The following EPB41L4B variants were observed in gnomAD, a reference collection of about 807,000 sequenced individuals.
The protein encoded by EPB41L4B is erythrocyte membrane protein band 4.1 like 4B.
Under a neutral mutation model 112.5 loss-of-function variants are expected in EPB41L4B, and 30 were observed. The ratio of observed to expected loss-of-function variants is 0.27; its 90% CI spans 0.20 to 0.36. The LOEUF (loss-of-function observed/expected upper bound fraction) is 0.36, where lower values mean the gene tolerates loss of function less well. Among genes scored for constraint, EPB41L4B ranks in the 10% least tolerant of loss-of-function variants. EPB41L4B has a pLI of 1.00. For missense variants in EPB41L4B, 1,024 were observed against 1,133.3 expected (o/e 0.90, Z 1.38); for synonymous variants, 408 against 439.7 (o/e 0.93, Z 0.90).
At chr9:109,256,568 G>A in intron 7 of EPB41L4B, 88 bp from the exon 8 acceptor site, 2 of 1,146,034 alleles carry the variant, frequency 1.7e-6, no homozygotes, top group East Asian at 2.4e-5. Flanking sequence ...GGAACGTTAT[G>A]CAGCAATTAA....
rs562932913 is a variant in EPB41L4B at position 109,301,553 on chromosome 9, T to C, written c.306+18588A>G. Among the ~76,000 whole-genome samples the C allele has an allele frequency of 2.6e-5, 4 of 152,332 alleles. No individual in the cohort carries two copies. The East Asian group carries it at 5.8e-4, about 22-fold the overall frequency. ...CCCCCGAGGCAACAGTTATTCTCATTTGTTTTCTCCACAGATTAGTTCTGC... is the reference window on the plus strand; with the variant it reads ...CCCCCGAGGCAACAGTTATTCTCATCTGTTTTCTCCACAGATTAGTTCTGC... On this transcript the variant is annotated intron_variant, in intron 1 of 25. Coordinates refer to ENST00000374566, the MANE Select transcript of EPB41L4B (RefSeq NM_019114.5).
rs377076803 is a variant in EPB41L4B at position 109,258,170 on chromosome 9, A to T, written c.752+7T>A. 2 of 1,609,786 alleles carry T rather than the reference A, an allele frequency of 1.2e-6. No homozygotes were observed. The highest frequency in any genetic ancestry group is 1.7e-6 in the Non-Finnish European group (2 of 1,176,882). ...CATCAGAATGCTAGACGGTTGCATC[A>T]AGGTACCTGCACTCTTTCCATCTCT... On this transcript the variant is annotated splice_region_variant and intron_variant, in intron 7 of 25. Transcript: ENST00000374566.
chr9:109,203,667 C>A lies in EPB41L4B; in HGVS notation c.1942G>T (p.Val648Leu). The change falls in exon 19 of 26, where the codon GTA (valine) becomes TTA (leucine). Residue 648 changes from valine (V) to leucine (L), a missense_variant. Physicochemically the swap from Val to Leu is conservative, Grantham distance 32. Coordinates refer to ENST00000374566, the MANE Select transcript of EPB41L4B (RefSeq NM_019114.5). ...NKKSSLQDAS[V>L]RSPIPIRVET... Reference sequence around the variant, plus strand: ...TTCAGACAAGGAGCAACAGACCTTACACTAGCGTCCTGAAGACTGGATTTC... The same window carrying A: ...TTCAGACAAGGAGCAACAGACCTTAAACTAGCGTCCTGAAGACTGGATTTC... 1 of 1,612,188 alleles carries A rather than the reference C, an allele frequency of 6.2e-7. No homozygotes were observed. Among genetic ancestry groups the A allele is most frequent in the Non-Finnish European group, 8.5e-7 (1 of 1,178,260 alleles).
chr9:109,226,993 C>T (rs1327116639), intron 15 of EPB41L4B, among the ~76,000 whole-genome samples: 8 of 151,564 alleles, frequency 5.3e-5, no homozygotes. Context: ...TGTGCACTAC[C>T]ACACCTGGCT....
intron 1 of EPB41L4B, among the ~76,000 whole-genome samples, chr9:109,287,545 G>A (rs781217743): frequency 6.6e-6 from 1 of 152,188 alleles, no homozygotes; most frequent in Non-Finnish European, 1.5e-5. Context: ...GCAAAAGCAC[G>A]GTGCCTATGC....
At chr9:109,291,136 C>T (rs149497721) in intron 1 of EPB41L4B, among the ~76,000 whole-genome samples, 13 of 152,276 alleles carry the variant, frequency 8.5e-5, no homozygotes, top group Middle Eastern at 3.4e-3. Context: ...GAAATTACAT[C>T]ATCAGTTCAT....
In EPB41L4B at chr9:109,315,788, A is replaced by C. The variant is rs146854861; in HGVS notation, c.306+4353T>G. On this transcript the variant is annotated intron_variant, in intron 1 of 25. Transcript: ENST00000374566. ...AGGTTTCAGTCCTAAAATTCTAAAAACCTGGATTCTCCTGTTTTTGCTGAA... is the reference window on the plus strand; with the variant it reads ...AGGTTTCAGTCCTAAAATTCTAAAACCCTGGATTCTCCTGTTTTTGCTGAA... Among the ~76,000 whole-genome samples the C allele has an allele frequency of 2.0e-5, 3 of 152,194 alleles. No individual in the cohort carries two copies. The East Asian group carries it at 5.8e-4, about 29-fold the overall frequency.
chr9:109,192,151 C>T, intron 22 of EPB41L4B, 127 bp downstream of exon 22: 1 of 749,782 alleles, frequency 1.3e-6, no homozygotes, highest in Non-Finnish European at 2.2e-6. Context: ...GAAAGCTGAT[C>T]CCTGAGCCTC....
intron 15 of EPB41L4B, among the ~76,000 whole-genome samples, chr9:109,222,339 G>A (rs1279543179): frequency 6.6e-6 from 1 of 152,184 alleles, no homozygotes; most frequent in Non-Finnish European, 1.5e-5. Context: ...TGACTCGGGT[G>A]CTTTCTCAGC....
At chr9:109,182,260 G>A (rs1035616758) in intron 24 of EPB41L4B, among the ~76,000 whole-genome samples, 15 of 152,282 alleles carry the variant, frequency 9.9e-5, no homozygotes, top group Admixed American at 7.2e-4. Context: ...TGATACATGC[G>A]TGGATGAACC....
intron 6 of EPB41L4B, among the ~76,000 whole-genome samples, chr9:109,259,605 G>A (rs749360984): frequency 6.6e-6 from 1 of 152,184 alleles, no homozygotes; most frequent in Non-Finnish European, 1.5e-5. Context: ...CTATCTATGT[G>A]ACTGCAGGCA....
In EPB41L4B at chr9:109,255,666, C is replaced by G; in HGVS notation, c.1014G>C (p.Glu338Asp). The G allele has an allele frequency of 1.2e-6, 2 of 1,612,788 alleles. No individual in the cohort carries two copies. Among genetic ancestry groups the G allele is most frequent in the Non-Finnish European group, 1.7e-6 (2 of 1,178,830 alleles). ...VEDDDQGREQ[E>D]HTFVFRLDSA... ...TGTCTAACCGGAACACAAACGTGTG[C>G]TCTTGCTCACGTCCCTTAAAGAGGA... The change falls in exon 11 of 26, where the codon GAG (glutamate) becomes GAC (aspartate). Residue 338 changes from glutamate to aspartate, a missense_variant. Glu to Asp is a conservative substitution (Grantham distance 45). Transcript: ENST00000374566.
intron 1 of EPB41L4B, among the ~76,000 whole-genome samples, chr9:109,290,204 T>C (rs1836472844): frequency 6.6e-6 from 1 of 152,144 alleles, no homozygotes; most frequent in African/African-American, 2.4e-5. Context: ...AGTTTTGGAG[T>C]ACTCTCATCT....
At chr9:109,197,768 C>T (rs1247237251) in intron 20 of EPB41L4B, among the ~76,000 whole-genome samples, 3 of 144,034 alleles carry the variant, frequency 2.1e-5, no homozygotes, top group Admixed American at 7.2e-5. Context: ...TGCAGTGAGC[C>T]GAGATTGTGC....
In EPB41L4B at chr9:109,256,172, A is replaced by T; in HGVS notation, c.893T>A (p.Ile298Asn). ...GCCTATTTTGTTAGCTCCTTCAAAG[A>T]TTAATATGCCTGTCGGGGTCAGTCC... ...SLGLTPTGILIFEGANKIGLF... is the reference protein window; with the variant it reads ...SLGLTPTGILNFEGANKIGLF... The change falls in exon 9 of 26, where the codon ATC becomes AAC. Residue 298 changes from isoleucine (I) to asparagine (N), a missense_variant. Coordinates refer to ENST00000374566, the MANE Select transcript of EPB41L4B (RefSeq NM_019114.5). The T allele has an allele frequency of 1.2e-6, 2 of 1,614,192 alleles. No individual in the cohort carries two copies. The highest frequency in any genetic ancestry group is 1.7e-6 in the Non-Finnish European group (2 of 1,180,010).
intron 23 of EPB41L4B, among the ~76,000 whole-genome samples, chr9:109,184,313 A>AG (rs1832177121): frequency 6.6e-6 from 1 of 152,190 alleles, no homozygotes; most frequent in Non-Finnish European, 1.5e-5. Flanking sequence ...TCCGCCCCCC[A>AG]GGTTCAAATG....
At chr9:109,238,297 G>A (rs1009985175) in intron 15 of EPB41L4B, among the ~76,000 whole-genome samples, 20 of 152,186 alleles carry the variant, frequency 1.3e-4, no homozygotes, top group Non-Finnish European at 2.1e-4. Context: ...TGCCTCAAAC[G>A]AGAACACAGC....
chr9:109,321,040 C>G lies in EPB41L4B; in HGVS notation c.-594G>C. ...GCCGCCGCCGCCGCCGCCGCTGCCG[C>G]CGGGACTGCAGCACGCCCTCCTCCC... On this transcript the variant is annotated 5_prime_UTR_variant, in exon 1 of 26. Coordinates refer to ENST00000374566, the MANE Select transcript of EPB41L4B (RefSeq NM_019114.5). The G allele has an allele frequency of 5.3e-6, 1 of 190,088 alleles. No individual in the cohort carries two copies. The highest frequency in any genetic ancestry group is 1.1e-5 in the Non-Finnish European group (1 of 94,162). The allele number at this position is 190,088 out of a possible 1,614,324, so 11.8% of individuals were successfully genotyped here. A position where few individuals can be genotyped will look rare whatever the true frequency, so the allele number is the denominator to read the frequency against.
chr9:109,180,127 T>C (rs566747840), intron 24 of EPB41L4B, among the ~76,000 whole-genome samples: 2 of 152,234 alleles, frequency 1.3e-5, no homozygotes, highest in South Asian at 4.2e-4. Flanking sequence ...CGCATCCCAG[T>C]CCCACTGGCC....
Sources: gnomAD v4.1 joint callset for allele counts (sites outside exome capture counted in the v4.1 genomes callset) on GRCh38, gnomAD v4.1.1 for gene constraint, MANE v1.5 for transcripts, NCBI Gene and HGNC (gene_info 2026-07-23, HGNC 2026-07-21) for gene names.